Variants in LEMD1 observed in about 807,000 individuals in gnomAD.
The protein encoded by LEMD1 is LEM domain containing 1.
In LEMD1, 18 loss-of-function variants were observed where a neutral mutation model predicts 17.4. That is an observed-to-expected ratio of 1.04 (90% CI 0.72 to 1.54). The LOEUF (loss-of-function observed/expected upper bound fraction) is 1.54, where lower values mean the gene tolerates loss of function less well. LEMD1 is among the 40% of genes most tolerant of loss of function. The pLI, the probability that LEMD1 is intolerant of heterozygous loss-of-function variation, is 0.00. For missense variants in LEMD1, 195 were observed against 210.4 expected (o/e 0.93, Z 0.45); for synonymous variants, 88 against 77.8 (o/e 1.13, Z -0.69).
intron 4 of LEMD1, among the ~76,000 whole-genome samples, chr1:205,407,329 CA>C (rs1202450022): frequency 0.041 from 2,263 of 55,276 alleles, 17 homozygotes; most frequent in Admixed American, 0.053. Context: ...GACCCCATCT[CA>C]AAAAAAAAAA....
chr1:205,443,651 T>C (rs1188662779), intron 1 of LEMD1, among the ~76,000 whole-genome samples: 1 of 152,164 alleles, frequency 6.6e-6, no homozygotes, highest in Non-Finnish European at 1.5e-5. Flanking sequence ...TCTGCTCAGA[T>C]CTTTGCTCTA....
chr1:205,407,024 C>A (rs1314817319), intron 4 of LEMD1, among the ~76,000 whole-genome samples: 1 of 152,042 alleles, frequency 6.6e-6, no homozygotes, highest in Non-Finnish European at 1.5e-5. Context: ...AAAGGCCAAC[C>A]ATGTGATAAG....
In LEMD1 at chr1:205,441,363, C is replaced by T. The variant is rs984145843; in HGVS notation, c.-39+8505G>A. On this transcript the variant is annotated intron_variant, in intron 1 of 3. Transcript: ENST00000367154. The surrounding 1 kb of genome is among the most constrained non-coding windows in gnomAD (Gnocchi z 4.3). ...CTGCCTCCTTTTTTCCCCTCCCACC[C>T]GCTCTGCCCCACCTCATCACCATAT... Among the ~76,000 whole-genome samples the T allele has an allele frequency of 3.9e-5, 6 of 152,184 alleles. No homozygotes were observed. The highest frequency in any genetic ancestry group is 7.3e-5 in the Non-Finnish European group (5 of 68,034).
intron 4 of LEMD1, among the ~76,000 whole-genome samples, chr1:205,387,807 A>C (rs1664108099): frequency 6.6e-6 from 1 of 152,236 alleles, no homozygotes; most frequent in East Asian, 1.9e-4. Flanking sequence ...AGCTGTAGTT[A>C]GTTATAAAAG....
At chr1:205,392,609 A>C (rs1664396494) in intron 4 of LEMD1, among the ~76,000 whole-genome samples, 1 of 152,132 alleles carries the variant, frequency 6.6e-6, no homozygotes, top group South Asian at 2.1e-4. Flanking sequence ...AATAGAGAAG[A>C]CAGAGAAAAG....
intron 4 of LEMD1, among the ~76,000 whole-genome samples, chr1:205,408,556 A>G (rs1374763586): frequency 7.1e-6 from 1 of 141,140 alleles, no homozygotes; most frequent in East Asian, 2.1e-4. Context: ...GCTGGAGTGC[A>G]TTGGTGCCAT....
rs563345001 is a variant in LEMD1, at chr1:205,410,205, A to AGCC, written c.270+6024_270+6026dup. On this transcript the variant is annotated intron_variant, in intron 4 of 5. Coordinates refer to ENST00000367153, the MANE Select transcript of LEMD1 (RefSeq NM_001199050.2). ...CCAAAGTGCCAATATTACAAGCATGAGCCACCACACCTGGCAGAATCCATA... is the reference window on the plus strand; with the variant it reads ...CCAAAGTGCCAATATTACAAGCATGAGCCGCCACCACACCTGGCAGAATCCATA... Among the ~76,000 whole-genome samples the AGCC allele has an allele frequency of 5.2e-3, 798 of 152,280 alleles. 5 individuals carry two copies. The highest frequency in any genetic ancestry group is 0.018 in the African/African-American group (754 of 41,542).
At chr1:205,406,691 C>T (rs1001894689) in intron 4 of LEMD1, among the ~76,000 whole-genome samples, 4 of 152,196 alleles carry the variant, frequency 2.6e-5, no homozygotes, top group African/African-American at 4.8e-5. Context: ...TGCTTTGGCT[C>T]GCACATGGTG....
At chr1:205,397,085 C>T (rs1664624459) in intron 4 of LEMD1, among the ~76,000 whole-genome samples, 2 of 152,128 alleles carry the variant, frequency 1.3e-5, no homozygotes, top group Admixed American at 1.3e-4. Context: ...TTGGAAGGTT[C>T]ACCAAGAAGT....
rs927598388 is a variant in LEMD1, at chr1:205,381,475, C to G, written c.*183G>C. 48 of 622,868 alleles carry G rather than the reference C, an allele frequency of 7.7e-5. No individual in the cohort carries two copies. The highest frequency in any genetic ancestry group is 6.9e-4 in the Admixed American group (24 of 35,020). The allele number at this position is 622,868 out of a possible 1,614,324, so 38.6% of individuals were successfully genotyped here. A position where few individuals can be genotyped will look rare whatever the true frequency, so the allele number is the denominator to read the frequency against. ...AACCATCATGCTCTTAACACAGGTG[C>G]CTGGTTAGGCAGGTTCCTTCCACCT... On this transcript the variant is annotated 3_prime_UTR_variant, in exon 6 of 6. Coordinates refer to ENST00000367153, the MANE Select transcript of LEMD1 (RefSeq NM_001199050.2).
At chr1:205,447,011 T>TGTGGACGTGCATCCAATA (rs906328705) in intron 1 of LEMD1, among the ~76,000 whole-genome samples, 2 of 152,236 alleles carry the variant, frequency 1.3e-5, no homozygotes, top group Admixed American at 1.3e-4. Flanking sequence ...GGGGCCAATT[T>TGTGGACGTGCATCCAATA]GTGGACGTGC....
At chr1:205,436,503 A>C (rs1209547450) in intron 1 of LEMD1, 1 of 61,042 alleles carries the variant, frequency 1.6e-5, no homozygotes, top group Admixed American at 2.2e-4. Flanking sequence ...GGCACTGACC[A>C]CTCCAGGGAT....
At chr1:205,414,189 C>A (rs1489806717) in intron 4 of LEMD1, among the ~76,000 whole-genome samples, 1 of 152,002 alleles carries the variant, frequency 6.6e-6, no homozygotes, top group African/African-American at 2.4e-5. Context: ...AGTCTCTGGA[C>A]AAGTCAGTAA....
chr1:205,415,015 C>T (rs764064001), intron 4 of LEMD1, among the ~76,000 whole-genome samples: 1 of 152,144 alleles, frequency 6.6e-6, no homozygotes, highest in African/African-American at 2.4e-5. Context: ...TGAAGAGCTG[C>T]AGGGAGGGGG....
rs1218482759 is a variant in LEMD1, at chr1:205,419,345, G to C, written c.90C>G (p.Thr30=). Residue 30 remains threonine, a synonymous_variant, in exon 3 of 6, where the codon ACC becomes ACG. Transcript: ENST00000367153. ...CTAACTTTTTTTCATACAACTTTCTGGTGGAAGCTGAGGAAGAATTTGGAG... is the reference window on the plus strand; with the variant it reads ...CTAACTTTTTTTCATACAACTTTCTCGTGGAAGCTGAGGAAGAATTTGGAG... ...GFSPGPILPS[T]RKLYEKKLVQ... 6.2e-7 allele frequency: 1 copy of C among 1,614,108 alleles called. No homozygotes were observed. The highest frequency in any genetic ancestry group is 1.1e-5 in the South Asian group (1 of 91,068).
intron 4 of LEMD1, among the ~76,000 whole-genome samples, chr1:205,407,788 C>T (rs1665189438): frequency 6.6e-6 from 1 of 152,134 alleles, no homozygotes; most frequent in Non-Finnish European, 1.5e-5. Flanking sequence ...GGGGGCTGGA[C>T]TGAGCCCCTT....
chr1:205,440,853 A>C (rs1666281346), intron 1 of LEMD1: 1 of 152,294 alleles, frequency 6.6e-6, no homozygotes. Flanking sequence ...TCCTGCTCCA[A>C]GCCCCAGCCA....
rs997233995 is a variant in LEMD1 at position 205,382,752 on chromosome 1, T to C, written c.348-896A>G. ...AAATTGTATAAGTGGATGGGAAGCC[T>C]CAGTACTCAGGCCCCCTCCTTCCTC... On this transcript the variant is annotated intron_variant, in intron 5 of 5. Coordinates refer to ENST00000367153, the MANE Select transcript of LEMD1 (RefSeq NM_001199050.2). Among the ~76,000 whole-genome samples the C allele has an allele frequency of 8.5e-5, 13 of 152,286 alleles. No homozygotes were observed. The East Asian group carries it at 2.5e-3, about 29-fold the overall frequency.
In LEMD1 at chr1:205,448,244, G is replaced by A. The variant is rs1666436807; in HGVS notation, c.-39+1624C>T. 1 of 495,680 alleles carries A rather than the reference G, an allele frequency of 2.0e-6. No individual in the cohort carries two copies. Among genetic ancestry groups the A allele is most frequent in the East Asian group, 5.7e-5 (1 of 17,500 alleles). The allele number at this position is 495,680 out of a possible 1,614,324, so 30.7% of individuals were successfully genotyped here. A position where few individuals can be genotyped will look rare whatever the true frequency, so the allele number is the denominator to read the frequency against. ...CCCCCAAGCAAAGCCTCCTTCTGGT[G>A]CCCCTTGGTGGCTGGCTCCGAACCT... On this transcript the variant is annotated intron_variant, in intron 1 of 3. Coordinates refer to the LEMD1 transcript ENST00000367154. This position sits in a 1 kb window ranked among gnomAD's most constrained non-coding sequence, Gnocchi z 4.7.
Sources: allele counts gnomAD v4.1 joint callset (sites outside exome capture counted in the v4.1 genomes callset), GRCh38; gene constraint gnomAD v4.1.1; non-coding constraint Gnocchi (gnomAD v3.1); transcripts MANE v1.5; gene names NCBI Gene and HGNC (gene_info 2026-07-23, HGNC 2026-07-21).